CNTN4: variants seen among roughly 807,000 people sequenced by gnomAD.
CNTN4 encodes contactin 4.
CNTN4 carries 77 observed loss-of-function variants against 122.5 expected under a neutral mutation model. The observed-to-expected ratio is 0.63, with a 90% CI of 0.52 to 0.76. The LOEUF is 0.76. Among genes scored for constraint, CNTN4 ranks in the 30% least tolerant of loss-of-function variants. The probability of loss-of-function intolerance (pLI) is 0.00; values close to 1 mark genes in which losing one functional copy is unlikely to be tolerated. For missense variants in CNTN4, 1,256 were observed against 1,259.1 expected (o/e 1.00, Z 0.04); for synonymous variants, 512 against 447.0 (o/e 1.15, Z -1.83).
intron 3 of CNTN4, among the ~76,000 whole-genome samples, chr3:2,440,827 CTA>C (rs1038769668): frequency 6.9e-5 from 10 of 145,938 alleles, no homozygotes; most frequent in South Asian, 4.2e-4. Context: ...ACATATATAA[CTA>C]TATATATTTT....
chr3:2,477,651 T>G (rs1450885580), intron 3 of CNTN4, among the ~76,000 whole-genome samples: 2 of 152,308 alleles, frequency 1.3e-5, no homozygotes, highest in East Asian at 3.9e-4. Context: ...GTTCTTGAAA[T>G]CTAGCAAAGT....
chr3:2,107,584 A>T (rs569592417), intron 2 of CNTN4, among the ~76,000 whole-genome samples: 4 of 152,242 alleles, frequency 2.6e-5, no homozygotes, highest in African/African-American at 7.2e-5. Flanking sequence ...AATTATGGGG[A>T]TTACAATTTG....
At chr3:2,336,340 T>C (rs2150333780) in intron 2 of CNTN4, among the ~76,000 whole-genome samples, 1 of 152,240 alleles carries the variant, frequency 6.6e-6, no homozygotes, top group Non-Finnish European at 1.5e-5. Flanking sequence ...TAAAAAAAAT[T>C]AATGTCAATG....
At chr3:2,404,828 C>T (rs942444806) in intron 3 of CNTN4, among the ~76,000 whole-genome samples, 2 of 152,052 alleles carry the variant, frequency 1.3e-5, no homozygotes. Flanking sequence ...CAAATCAGTT[C>T]TTTACCCCCA....
At chr3:2,719,107 A>G (rs1199895438) in intron 4 of CNTN4, among the ~76,000 whole-genome samples, 1 of 152,196 alleles carries the variant, frequency 6.6e-6, no homozygotes. Context: ...CAGTGAAGAT[A>G]TGTTCAATGA....
chr3:2,827,676 CA>C (rs1346272012), intron 7 of CNTN4, among the ~76,000 whole-genome samples: 1 of 152,136 alleles, frequency 6.6e-6, no homozygotes, highest in African/African-American at 2.4e-5. Context: ...AAAGACTTTA[CA>C]GTTAAGGTAA....
intron 4 of CNTN4, among the ~76,000 whole-genome samples, chr3:2,691,308 A>G (rs2085727082): frequency 6.6e-6 from 1 of 152,172 alleles, no homozygotes; most frequent in South Asian, 2.1e-4. Context: ...AAATTTACCC[A>G]GCATTTCTAC....
At chr3:2,782,049 C>G (rs1358457684) in intron 6 of CNTN4, among the ~76,000 whole-genome samples, 1 of 151,848 alleles carries the variant, frequency 6.6e-6, no homozygotes, top group Non-Finnish European at 1.5e-5. Context: ...GTCTGGGTTG[C>G]CATAAGAGGT....
At chr3:2,521,396 C>T (rs771932007) in intron 3 of CNTN4, among the ~76,000 whole-genome samples, 2 of 103,290 alleles carry the variant, frequency 1.9e-5, no homozygotes, top group South Asian at 6.8e-4. Context: ...TTTGTTTCTG[C>T]CTGCCTTAAA....
chr3:2,597,420 C>T (rs944516190), intron 4 of CNTN4, among the ~76,000 whole-genome samples: 1 of 152,130 alleles, frequency 6.6e-6, no homozygotes, highest in African/African-American at 2.4e-5. Context: ...CAGGGAGCAC[C>T]TTATGCCTCA....
intron 3 of CNTN4, among the ~76,000 whole-genome samples, chr3:2,430,423 A>AG (rs2048023373): frequency 7.9e-6 from 1 of 127,090 alleles, no homozygotes; most frequent in African/African-American, 3.3e-5. Context: ...CTCTTGTCTC[A>AG]AAAAAAAAAA....
intron 3 of CNTN4, among the ~76,000 whole-genome samples, chr3:2,364,634 A>G (rs1268094691): frequency 5.3e-5 from 8 of 152,112 alleles, no homozygotes; most frequent in Non-Finnish European, 1.0e-4. Context: ...GGCCTTGCGC[A>G]TGAAGCAAAT....
chr3:2,957,304 C>G (rs1393811418), intron 13 of CNTN4, among the ~76,000 whole-genome samples: 1 of 152,036 alleles, frequency 6.6e-6, no homozygotes, highest in African/African-American at 2.4e-5. Flanking sequence ...TGCTTGTTGT[C>G]TCTTGTCTTT....
chr3:2,981,260 C>A (rs1258670781), intron 13 of CNTN4, among the ~76,000 whole-genome samples: 1 of 151,964 alleles, frequency 6.6e-6, no homozygotes, highest in Non-Finnish European at 1.5e-5. Context: ...CTGGCTAACA[C>A]AGTGAAACCC....
chr3:2,972,755 T>A (rs998650361), intron 13 of CNTN4, among the ~76,000 whole-genome samples: 3 of 152,190 alleles, frequency 2.0e-5, no homozygotes, highest in Non-Finnish European at 2.9e-5. Flanking sequence ...CTTCAGATAT[T>A]ATCCTCTTCT....
At chr3:2,353,407 C>G (rs2044725934) in intron 3 of CNTN4, among the ~76,000 whole-genome samples, 1 of 152,150 alleles carries the variant, frequency 6.6e-6, no homozygotes, top group African/African-American at 2.4e-5. Context: ...GCAACCGGGT[C>G]TGGTCCCCTT....
At chr3:2,775,009 C>T (rs946899510) in intron 6 of CNTN4, among the ~76,000 whole-genome samples, 2 of 152,212 alleles carry the variant, frequency 1.3e-5, no homozygotes, top group East Asian at 1.9e-4. Flanking sequence ...GTGCTTATAA[C>T]GTTCACCCAG....
At chr3:2,892,071 G>A (rs775484841) in intron 10 of CNTN4, 1 of 152,198 alleles carries the variant, frequency 6.6e-6, no homozygotes, top group Non-Finnish European at 1.5e-5. Context: ...TGGAAATTGA[G>A]TCCCAAAGAG....
At chr3:2,276,096 G>A (rs2041499660) in intron 2 of CNTN4, among the ~76,000 whole-genome samples, 1 of 151,850 alleles carries the variant, frequency 6.6e-6, no homozygotes, top group Non-Finnish European at 1.5e-5. Context: ...ATGCAAATAT[G>A]TTGAATTCAT....
Sources: gnomAD v4.1 joint callset for allele counts (sites outside exome capture counted in the v4.1 genomes callset) on GRCh38, gnomAD v4.1.1 for gene constraint, MANE v1.5 for transcripts, NCBI Gene and HGNC (gene_info 2026-07-23, HGNC 2026-07-21) for gene names.